Variants in GLIS3 observed in about 807,000 individuals in gnomAD.
The protein encoded by GLIS3 is zinc finger protein GLIS3.
A neutral mutation model predicts 78.6 loss-of-function variants in GLIS3; 53 were observed. That is an observed-to-expected ratio of 0.67 (90% CI 0.54 to 0.85). GLIS3 has a LOEUF of 0.85. GLIS3 is among the 40% of genes least tolerant of loss of function. GLIS3 has a pLI of 0.00. For missense variants in GLIS3, 1,703 were observed against 1,231.1 expected (o/e 1.38, Z -5.74); for synonymous variants, 684 against 509.9 (o/e 1.34, Z -4.60).
rs148676567 is a variant in GLIS3, at chr9:3,961,740, T to C, written c.1711-24551A>G. Among the ~76,000 whole-genome samples, 234 of 152,324 alleles carry C rather than the reference T, an allele frequency of 1.5e-3. 2 individuals carry two copies. The highest frequency in any genetic ancestry group is 5.1e-3 in the African/African-American group (213 of 41,576). On this transcript the variant is annotated intron_variant, in intron 4 of 10. Transcript: ENST00000381971. ...AATTAGACAAAGGTAAGAACATATC[T>C]ATTAATTTCAAAAAGTTGAGGGGAT... is the stretch of plus-strand genomic sequence containing the variant.
At chr9:4,278,085 C>T (rs1207292798) in intron 2 of GLIS3, among the ~76,000 whole-genome samples, 1 of 152,204 alleles carries the variant, frequency 6.6e-6, no homozygotes, top group African/African-American at 2.4e-5. Context: ...AAAAGTAACT[C>T]TTCCTTGTCG....
At chr9:4,241,701 C>T (rs539689066) in intron 2 of GLIS3, among the ~76,000 whole-genome samples, 2 of 151,850 alleles carry the variant, frequency 1.3e-5, no homozygotes, top group Non-Finnish European at 1.5e-5. Context: ...TTTTGAGATA[C>T]AGTCTTGCTC....
intron 2 of GLIS3, among the ~76,000 whole-genome samples, chr9:4,284,828 G>T (rs1827848433): frequency 6.6e-6 from 1 of 152,214 alleles, no homozygotes; most frequent in African/African-American, 2.4e-5. Context: ...TGAAGCAGGA[G>T]GATCACTTGA....
chr9:3,979,348 C>T (rs1819049434), intron 4 of GLIS3, among the ~76,000 whole-genome samples: 1 of 152,174 alleles, frequency 6.6e-6, no homozygotes, highest in Non-Finnish European at 1.5e-5. Flanking sequence ...AGTGGTGTAG[C>T]CAAAGTTGTA....
At chr9:4,181,827 C>A (rs9774790) in intron 2 of GLIS3, among the ~76,000 whole-genome samples, 43,759 of 152,020 alleles carry the variant, frequency 0.29, 6,566 homozygotes, top group Non-Finnish European at 0.33. Context: ...AGGGGTCACA[C>A]AGAGACAGAC....
intron 9 of GLIS3, among the ~76,000 whole-genome samples, chr9:3,845,088 C>T (rs974246879): frequency 6.7e-6 from 1 of 150,086 alleles, no homozygotes; most frequent in African/African-American, 2.5e-5. Context: ...TGTGTGTGTA[C>T]AGGAGTGTTT....
intron 4 of GLIS3, among the ~76,000 whole-genome samples, chr9:3,974,821 T>G (rs552263939): frequency 2.0e-5 from 3 of 152,126 alleles, no homozygotes. Flanking sequence ...GCTCAGGCAA[T>G]TTCATTGTCT....
chr9:4,153,844 A>G (rs979520405), intron 2 of GLIS3, among the ~76,000 whole-genome samples: 2 of 152,184 alleles, frequency 1.3e-5, no homozygotes, highest in African/African-American at 4.8e-5. Flanking sequence ...AGCATCCTTA[A>G]AACAACAATT....
chr9:4,237,282 C>G (rs1355786171), intron 2 of GLIS3, among the ~76,000 whole-genome samples: 6 of 151,960 alleles, frequency 3.9e-5, no homozygotes, highest in Non-Finnish European at 5.9e-5. Flanking sequence ...AAGTACAGTA[C>G]AGTCTCTAGA....
the GLIS3 span, among the ~76,000 whole-genome samples, chr9:4,416,823 T>TG: frequency 1.5e-5 from 2 of 129,582 alleles, no homozygotes; most frequent in Non-Finnish European, 1.5e-5. Context: ...TTTTTTTTTT[T>TG]TTTTTTTTTT....
intron 2 of GLIS3, among the ~76,000 whole-genome samples, chr9:4,327,172 A>G (rs1817613525): frequency 6.6e-6 from 1 of 152,150 alleles, no homozygotes; most frequent in Non-Finnish European, 1.5e-5. Context: ...GTGAGAAGGG[A>G]GAGTGTCCAG....
chr9:3,853,466 T>TACAA (rs74450578), intron 9 of GLIS3, among the ~76,000 whole-genome samples: 33,310 of 151,996 alleles, frequency 0.22, 4,515 homozygotes, highest in Admixed American at 0.31. Context: ...GCCCTAGGGC[T>TACAA]ACAAACATTA....
At chr9:4,401,370 C>T in the GLIS3 span, among the ~76,000 whole-genome samples, 11 of 147,994 alleles carry the variant, frequency 7.4e-5, no homozygotes, top group South Asian at 1.1e-3. Context: ...AGCGATTCTC[C>T]TGCCTCAGCC....
At chr9:4,190,297 G>T (rs930973304) in intron 2 of GLIS3, among the ~76,000 whole-genome samples, 1 of 152,140 alleles carries the variant, frequency 6.6e-6, no homozygotes, top group African/African-American at 2.4e-5. Context: ...AATTTTAGAC[G>T]AATGTATAAC....
At chr9:3,877,579 A>G (rs1821401074) in intron 8 of GLIS3, among the ~76,000 whole-genome samples, 1 of 152,062 alleles carries the variant, frequency 6.6e-6, no homozygotes, top group Non-Finnish European at 1.5e-5. Flanking sequence ...TTTCCTCCAC[A>G]CTACCACACT....
At chr9:4,204,054 C>T (rs577998464) in intron 2 of GLIS3, among the ~76,000 whole-genome samples, 21 of 152,106 alleles carry the variant, frequency 1.4e-4, no homozygotes, top group African/African-American at 3.9e-4. Context: ...CACAATATAC[C>T]CAGGTAACAA....
At chr9:4,468,686 C>A in the GLIS3 span, among the ~76,000 whole-genome samples, 1 of 152,180 alleles carries the variant, frequency 6.6e-6, no homozygotes, top group Non-Finnish European at 1.5e-5. Flanking sequence ...AAAAACATGC[C>A]AATTTGTAAA....
intron 4 of GLIS3, among the ~76,000 whole-genome samples, chr9:4,009,405 C>G (rs1821817925): frequency 6.6e-6 from 1 of 152,196 alleles, no homozygotes; most frequent in Non-Finnish European, 1.5e-5. Flanking sequence ...CGCCAGCTGC[C>G]ACTCAAGAAG....
chr9:4,477,403 T>A, the GLIS3 span, among the ~76,000 whole-genome samples: 1 of 137,346 alleles, frequency 7.3e-6, no homozygotes. Context: ...AGGACATTAG[T>A]GTGTTTTGGG....
Sources: gnomAD v4.1 joint callset for allele counts (sites outside exome capture counted in the v4.1 genomes callset) on GRCh38, gnomAD v4.1.1 for gene constraint, MANE v1.5 for transcripts, NCBI Gene and HGNC (gene_info 2026-07-23, HGNC 2026-07-21) for gene names.